SMAD3: variants seen among roughly 807,000 people sequenced by gnomAD.
The protein encoded by SMAD3 is SMAD family member 3, also known as MAD homolog 3.
Under a neutral mutation model 51.8 loss-of-function variants are expected in SMAD3, and 12 were observed. The observed-to-expected ratio is 0.23, with a 90% CI of 0.15 to 0.38. SMAD3 has a LOEUF of 0.38. SMAD3 is among the 10% of genes least tolerant of loss of function. The pLI is 1.00. For synonymous variants in SMAD3, 238 were observed against 227.7 expected (o/e 1.05, Z -0.41); for missense variants, 294 against 565.6 (o/e 0.52, Z 4.87).
At position 67,193,433 on chromosome 15, in the gene SMAD3, C is replaced by T. The variant is rs1056059329; in HGVS notation, c.*2897C>T. 1 of 233,804 alleles carries T rather than the reference C, an allele frequency of 4.3e-6. No homozygotes were observed. Among genetic ancestry groups the T allele is most frequent in the African/African-American group, 2.2e-5 (1 of 45,358 alleles). 14.5% of individuals were successfully genotyped at this position (233,804 alleles called of 1,614,324 possible). On this transcript the variant is annotated 3_prime_UTR_variant, in exon 9 of 9. Coordinates refer to ENST00000327367, the MANE Select transcript of SMAD3 (RefSeq NM_005902.4). ...CCAACTTTTATTCCCTTTCCTCTCT[C>T]CCCTCCCCACCTCGCTTCTTCCCAA... is the stretch of plus-strand genomic sequence containing the variant.
At chr15:67,098,699 GGA>G (rs1234920178) in intron 1 of SMAD3, 1 of 583,398 alleles carries the variant, frequency 1.7e-6, no homozygotes, top group African/African-American at 1.9e-5. Context: ...TCGGGAGTTG[GGA>G]GAGAACTGTC....
chr15:67,166,911 C>T (rs186071275), intron 4 of SMAD3, 58 bp downstream of exon 4: 2 of 1,266,164 alleles, frequency 1.6e-6, no homozygotes, highest in East Asian at 5.0e-5. Flanking sequence ...GTGGGTTCAT[C>T]CCTTCCATCC....
intron 4 of SMAD3, among the ~76,000 whole-genome samples, chr15:67,168,798 T>C (rs1962663214): frequency 6.6e-6 from 1 of 152,042 alleles, no homozygotes; most frequent in Admixed American, 6.6e-5. Flanking sequence ...CCCCAGCCAG[T>C]GTGTGGGTGG....
chr15:67,122,228 C>T (rs371379969), intron 1 of SMAD3, among the ~76,000 whole-genome samples: 27 of 152,324 alleles, frequency 1.8e-4, no homozygotes, highest in African/African-American at 4.6e-4. Flanking sequence ...CATGAGGAAA[C>T]TGAAGGTTAT....
At chr15:67,138,044 T>TA (rs1442785899) in intron 1 of SMAD3, 1 of 1,550,624 alleles carries the variant, frequency 6.4e-7, no homozygotes, top group African/African-American at 1.4e-5. Context: ...GCCTGCACCC[T>TA]AGGCAAACGT....
intron 6 of SMAD3, among the ~76,000 whole-genome samples, chr15:67,182,144 A>T (rs1963078469): frequency 6.6e-6 from 1 of 152,208 alleles, no homozygotes; most frequent in Non-Finnish European, 1.5e-5. Flanking sequence ...ATAAGTAGGC[A>T]GTCATTGTTG....
At chr15:67,120,524 C>T (rs370315258) in intron 1 of SMAD3, among the ~76,000 whole-genome samples, 7 of 152,138 alleles carry the variant, frequency 4.6e-5, no homozygotes, top group African/African-American at 9.7e-5. Context: ...GGATGATGAA[C>T]GCCATAATCT....
chr15:67,181,554 C>T (rs1169288801), intron 6 of SMAD3, 101 bp downstream of exon 6: 32 of 1,003,700 alleles, frequency 3.2e-5, no homozygotes, highest in South Asian at 8.3e-5. Flanking sequence ...GGGAACCTTG[C>T]GTCCATCCTT....
chr15:67,120,524 C>G (rs370315258), intron 1 of SMAD3, among the ~76,000 whole-genome samples: 1 of 152,138 alleles, frequency 6.6e-6, no homozygotes, highest in Admixed American at 6.5e-5. Flanking sequence ...GGATGATGAA[C>G]GCCATAATCT....
At chr15:67,150,807 TTTTTTTTTTTTTA>T (rs1962111889) in intron 1 of SMAD3, among the ~76,000 whole-genome samples, 2 of 132,112 alleles carry the variant, frequency 1.5e-5, no homozygotes, top group South Asian at 2.7e-4. Context: ...GCTTTTTTTT[TTTTTTTTTTTTTA>T]TTAAGAGAGC....
At chr15:67,106,195 C>T (rs535032861) in intron 1 of SMAD3, among the ~76,000 whole-genome samples, 149 of 152,320 alleles carry the variant, frequency 9.8e-4, no homozygotes, top group African/African-American at 3.2e-3. Flanking sequence ...CGGCAGCCAG[C>T]ATGATCTCTA....
intron 5 of SMAD3, 151 bp downstream of exon 5, chr15:67,170,755 G>A (rs985463583): frequency 4.5e-6 from 3 of 664,128 alleles, no homozygotes; most frequent in South Asian, 3.6e-5. Context: ...TTACGGTGAT[G>A]TTGAGGTCAC....
chr15:67,166,154 C>G, intron 3 of SMAD3: 1 of 1,011,136 alleles, frequency 9.9e-7, no homozygotes, highest in Non-Finnish European at 1.2e-6. Context: ...CACTGTCCAA[C>G]CTTCTCAGAT....
intron 1 of SMAD3, among the ~76,000 whole-genome samples, chr15:67,096,597 G>A (rs1960619523): frequency 6.6e-6 from 1 of 151,368 alleles, no homozygotes; most frequent in Non-Finnish European, 1.5e-5. Flanking sequence ...AGAGACTGTG[G>A]AGGAAAGAGA....
rs141026314 is a variant in SMAD3, at chr15:67,098,632, C to T, written c.206+32272C>T. On this transcript the variant is annotated intron_variant, in intron 1 of 8. Coordinates refer to ENST00000327367, the MANE Select transcript of SMAD3 (RefSeq NM_005902.4). ...ATTTGAGGCCCAGATCTGCTTATTT[C>T]GAGGGTGGGGCCGCGTTTTTCTCCT... is the stretch of plus-strand genomic sequence containing the variant. 455 of 527,556 alleles carry T rather than the reference C, an allele frequency of 8.6e-4. 2 individuals carry two copies. Among genetic ancestry groups the T allele is most frequent in the African/African-American group, 7.5e-3 (399 of 52,976 alleles). 32.7% of individuals were successfully genotyped at this position (527,556 alleles called of 1,614,324 possible).
chr15:67,175,236 T>C (rs912220226), intron 5 of SMAD3, among the ~76,000 whole-genome samples: 3 of 152,096 alleles, frequency 2.0e-5, no homozygotes, highest in Admixed American at 1.3e-4. Context: ...AGGAAAATAA[T>C]GTACCAGGGA....
chr15:67,169,690 T>C (rs997049276), intron 4 of SMAD3, among the ~76,000 whole-genome samples: 1 of 150,036 alleles, frequency 6.7e-6, no homozygotes, highest in African/African-American at 2.5e-5. Flanking sequence ...CTCAAACTCC[T>C]GGGCTCAAGT....
At chr15:67,076,616 G>A (rs1031954804) in intron 1 of SMAD3, among the ~76,000 whole-genome samples, 1 of 152,230 alleles carries the variant, frequency 6.6e-6, no homozygotes, top group African/African-American at 2.4e-5. Flanking sequence ...GTGCAAGAGG[G>A]AGCTCACGCT....
intron 1 of SMAD3, among the ~76,000 whole-genome samples, chr15:67,113,095 T>TATATATATATATATATATATATATA (rs57818600): frequency 5.5e-5 from 5 of 91,100 alleles, no homozygotes; most frequent in South Asian, 4.2e-4. Context: ...TATATATATA[T>TATATATATATATATATATATATATA]TTTTTTGAGA....
Sources: allele counts gnomAD v4.1 joint callset (sites outside exome capture counted in the v4.1 genomes callset), GRCh38; gene constraint gnomAD v4.1.1; transcripts MANE v1.5; gene names NCBI Gene and HGNC (gene_info 2026-07-23, HGNC 2026-07-21).